The following EPHB1 variants were observed in gnomAD, a reference collection of about 807,000 sequenced individuals.
The protein encoded by EPHB1 is EPH receptor B1.
Under a neutral mutation model 94.4 loss-of-function variants are expected in EPHB1, and 30 were observed. The observed-to-expected ratio is 0.32, with a 90% confidence interval of 0.24 to 0.43. The LOEUF (loss-of-function observed/expected upper bound fraction) is 0.43, where lower values mean the gene tolerates loss of function less well. EPHB1 is among the 20% of genes least tolerant of loss of function. The probability of loss-of-function intolerance (pLI) is 1.00; values close to 1 mark genes in which losing one functional copy is unlikely to be tolerated. For missense variants in EPHB1, 1,055 were observed against 1,308.3 expected (o/e 0.81, Z 2.99); for synonymous variants, 522 against 489.1 (o/e 1.07, Z -0.89).
At chr3:134,827,123 C>T (rs2036494031) in intron 1 of EPHB1, among the ~76,000 whole-genome samples, 2 of 152,210 alleles carry the variant, frequency 1.3e-5, no homozygotes, top group African/African-American at 2.4e-5. Context: ...GGCACTTTCA[C>T]ATGAGTCAAC....
intron 11 of EPHB1, among the ~76,000 whole-genome samples, chr3:135,193,652 T>C (rs895450297): frequency 1.3e-5 from 2 of 152,206 alleles, no homozygotes; most frequent in African/African-American, 4.8e-5. Flanking sequence ...TTCAGAGTGA[T>C]ACCCAGTAGC....
chr3:135,215,845 T>A (rs1943138774), intron 12 of EPHB1, among the ~76,000 whole-genome samples: 1 of 152,204 alleles, frequency 6.6e-6, no homozygotes, highest in Non-Finnish European at 1.5e-5. Flanking sequence ...ATGATGCCGA[T>A]CCTGCTAGTC....
chr3:134,964,396 GA>G (rs1933650448), intron 3 of EPHB1, among the ~76,000 whole-genome samples: 1 of 152,218 alleles, frequency 6.6e-6, no homozygotes, highest in Non-Finnish European at 1.5e-5. Context: ...CATACGTTAT[GA>G]AACTCACTAA....
intron 3 of EPHB1, among the ~76,000 whole-genome samples, chr3:134,959,674 G>C (rs572112946): frequency 6.6e-6 from 1 of 152,266 alleles, no homozygotes; most frequent in South Asian, 2.1e-4. Context: ...ATGTTAAGCT[G>C]CTTATGAACC....
At chr3:134,909,083 C>T (rs1210214120) in intron 1 of EPHB1, among the ~76,000 whole-genome samples, 3 of 128,440 alleles carry the variant, frequency 2.3e-5, no homozygotes, top group Admixed American at 1.0e-4. Flanking sequence ...TGGGTGCTGG[C>T]CCATCAGAGA....
intron 10 of EPHB1, among the ~76,000 whole-genome samples, chr3:135,181,840 A>C (rs1254082744): frequency 1.3e-5 from 2 of 152,174 alleles, no homozygotes; most frequent in African/African-American, 4.8e-5. Flanking sequence ...AGCATTTGCC[A>C]GTGCTGCCAT....
intron 3 of EPHB1, among the ~76,000 whole-genome samples, chr3:135,082,158 C>T (rs1576369276): frequency 6.6e-6 from 1 of 152,266 alleles, no homozygotes. Context: ...AAGCCATGTT[C>T]CGTGGGAGAA....
At chr3:134,929,725 G>A (rs777988887) in intron 2 of EPHB1, among the ~76,000 whole-genome samples, 13 of 152,174 alleles carry the variant, frequency 8.5e-5, no homozygotes, top group Non-Finnish European at 1.3e-4. Flanking sequence ...CTGGCACCTT[G>A]ACTTCAGATT....
At position 134,924,005 on chromosome 3, in the gene EPHB1, G is replaced by T. The variant is rs543126005; in HGVS notation, c.59-1811G>T. Among the ~76,000 whole-genome samples the T allele has an allele frequency of 1.3e-3, 193 of 152,296 alleles. 1 individual carries two copies. The highest frequency in any genetic ancestry group is 4.4e-3 in the African/African-American group (184 of 41,564). On this transcript the variant is annotated intron_variant, in intron 1 of 15. Coordinates refer to ENST00000398015, the MANE Select transcript of EPHB1 (RefSeq NM_004441.5). The stretch of plus-strand genomic sequence containing the variant: ...TGATACATATCCTGGGAATGCAGGG[G>T]ACTAGGACACCATCACCTGCCCATA...
At chr3:135,122,997 G>C (rs572730232) in intron 4 of EPHB1, among the ~76,000 whole-genome samples, 1 of 152,222 alleles carries the variant, frequency 6.6e-6, no homozygotes, top group Non-Finnish European at 1.5e-5. Flanking sequence ...CCTCAGGGAA[G>C]CTGCTGAGAT....
At chr3:134,953,930 A>T (rs1047041677) in intron 3 of EPHB1, among the ~76,000 whole-genome samples, 1 of 152,156 alleles carries the variant, frequency 6.6e-6, no homozygotes, top group African/African-American at 2.4e-5. Flanking sequence ...CCCAGTCTCG[A>T]TCCCCTCCTG....
In EPHB1 at chr3:134,795,280, C is replaced by T; in HGVS notation, c.-352C>T. ...GCGTCAGTCTGGCCGGCTCCGTCCT[C>T]CCGTAGGCTCCGCTGTAGCTAGCAA... On this transcript the variant is annotated 5_prime_UTR_variant, in exon 1 of 16. Transcript: ENST00000398015. 1 of 400,266 alleles carries T rather than the reference C, an allele frequency of 2.5e-6. No individual in the cohort carries two copies. 24.8% of individuals were successfully genotyped at this position (400,266 alleles called of 1,614,324 possible). A position where few individuals can be genotyped will look rare whatever the true frequency, so the allele number is the denominator to read the frequency against.
intron 3 of EPHB1, among the ~76,000 whole-genome samples, chr3:134,985,296 C>T (rs1934558367): frequency 6.6e-6 from 1 of 152,068 alleles, no homozygotes; most frequent in African/African-American, 2.4e-5. Context: ...GTAGCTGGGA[C>T]TACAGGTGCG....
chr3:135,175,308 T>C (rs1262005724), intron 9 of EPHB1, among the ~76,000 whole-genome samples: 9 of 152,240 alleles, frequency 5.9e-5, no homozygotes, highest in African/African-American at 2.2e-4. Context: ...AAGTTTCTTC[T>C]GCTTCAAGAA....
intron 4 of EPHB1, among the ~76,000 whole-genome samples, chr3:135,112,875 T>C (rs1939517619): frequency 6.6e-6 from 1 of 152,218 alleles, no homozygotes; most frequent in African/African-American, 2.4e-5. Flanking sequence ...AAGTGTTTAC[T>C]TGGGTTAATC....
At chr3:135,050,358 G>A (rs1937135548) in intron 3 of EPHB1, among the ~76,000 whole-genome samples, 1 of 152,116 alleles carries the variant, frequency 6.6e-6, no homozygotes, top group African/African-American at 2.4e-5. Context: ...AGGACATAAT[G>A]TACAGCATAG....
intron 5 of EPHB1, among the ~76,000 whole-genome samples, chr3:135,136,408 A>G (rs1283580163): frequency 6.6e-6 from 1 of 152,202 alleles, no homozygotes; most frequent in Non-Finnish European, 1.5e-5. Flanking sequence ...ATCCTTACCC[A>G]GTCCAAAGGC....
At chr3:135,030,358 T>C (rs1188897720) in intron 3 of EPHB1, among the ~76,000 whole-genome samples, 5 of 152,246 alleles carry the variant, frequency 3.3e-5, no homozygotes, top group African/African-American at 1.2e-4. Flanking sequence ...TGTGGTTTTA[T>C]CTACTTTTGG....
intron 9 of EPHB1, among the ~76,000 whole-genome samples, chr3:135,177,295 G>A (rs1942007741): frequency 6.6e-6 from 1 of 152,138 alleles, no homozygotes; most frequent in Non-Finnish European, 1.5e-5. Context: ...ACAGAATTTG[G>A]GAGAAGTCAT....
Sources: gnomAD v4.1 joint callset for allele counts (sites outside exome capture counted in the v4.1 genomes callset) on GRCh38, gnomAD v4.1.1 for gene constraint, MANE v1.5 for transcripts, NCBI Gene and HGNC (gene_info 2026-07-23, HGNC 2026-07-21) for gene names.